Variants in CCDC158 observed in about 807,000 individuals in gnomAD.
The protein encoded by CCDC158 is coiled-coil domain containing 158, also known as coiled-coil domain-containing protein 158.
In CCDC158, 116 loss-of-function variants were observed where a neutral mutation model predicts 138.6. That is an observed-to-expected ratio of 0.84 (90% CI 0.72 to 0.98). The LOEUF is 0.98. Among genes scored for constraint, CCDC158 ranks in the 50% least tolerant of loss-of-function variants. The pLI, the probability that CCDC158 is intolerant of heterozygous loss-of-function variation, is 0.00. For synonymous variants in CCDC158, 436 were observed against 442.4 expected, an observed-to-expected ratio of 0.99 and a Z score of 0.18; for missense variants, 1,265 against 1,306.1, an observed-to-expected ratio of 0.97 and a Z score of 0.48.
intron 24 of CCDC158, among the ~76,000 whole-genome samples, chr4:76,319,720 A>C (rs988991322): frequency 3.3e-5 from 5 of 151,738 alleles, no homozygotes; most frequent in African/African-American, 1.2e-4. Context: ...ATGCAGAAAA[A>C]TCATTTGACA....
At chr4:76,365,879 A>C (rs868138048) in intron 12 of CCDC158, among the ~76,000 whole-genome samples, 1 of 152,232 alleles carries the variant, frequency 6.6e-6, no homozygotes, top group Non-Finnish European at 1.5e-5. Flanking sequence ...GTTCTCACTG[A>C]GAACCACTGC....
rs78797476 is a variant in CCDC158, at chr4:76,323,626, T to C, written c.3170-217A>G. On this transcript the variant is annotated intron_variant, in intron 23 of 24. Coordinates refer to ENST00000682701, the MANE Select transcript of CCDC158 (RefSeq NM_001394954.1). ...TCTAAATATTGCAATGCTAGCCTAT[T>C]TGATTGTGCTCAAACCAATCCGATG... is the stretch of plus-strand genomic sequence containing the variant. Among the ~76,000 whole-genome samples the C allele has an allele frequency of 4.7e-4, 71 of 152,318 alleles. No individual in the cohort carries two copies. In the East Asian group the frequency reaches 9.1e-3, roughly 19 times the overall value.
rs1424746982 is a variant in CCDC158, at chr4:76,367,247, T to C, written c.1830+47A>G. On this transcript the variant is annotated intron_variant, in intron 12 of 24. Coordinates refer to ENST00000682701, the MANE Select transcript of CCDC158 (RefSeq NM_001394954.1). ...ACTTTTCAGTACAGGTCATACCTGC[T>C]AATAAATGATATTTCAGAAGTTAAA... 5 of 1,572,504 alleles carry C rather than the reference T, an allele frequency of 3.2e-6. No homozygotes were observed. The East Asian group carries it at 9.0e-5, about 28-fold the overall frequency.
rs576130184 is a variant in CCDC158 at position 76,413,210 on chromosome 4, G to A, written c.-116-1078C>T. On this transcript the variant is annotated intron_variant, in intron 1 of 24. Coordinates refer to ENST00000682701, the MANE Select transcript of CCDC158 (RefSeq NM_001394954.1). ...TTTTTCCACATTTAAAAAAATGAAT[G>A]AGCCTGTAATCCCAGCACTTTGGGA... Among the ~76,000 whole-genome samples the A allele has an allele frequency of 7.2e-5, 11 of 151,912 alleles. No individual in the cohort carries two copies. The East Asian group carries it at 1.4e-3, about 19-fold the overall frequency.
rs142038200 is a variant in CCDC158 at position 76,362,228 on chromosome 4, C to T, written c.1918G>A (p.Ala640Thr). ...ACTGCACGGAGCCGCTCAGAGCCTG[C>T]ATTCACCAGCTTCACCTTTTCCAGC... ...LELEKVKLVN[A>T]GSERLRAVKD... The change falls in exon 13 of 25, where the codon GCA becomes ACA. Residue 640 changes from alanine (A) to threonine (T), a missense_variant. Transcript: ENST00000682701. 1.3e-4 allele frequency: 208 copies of T among 1,614,136 alleles called. 1 individual carries two copies. The African/African-American group carries it at 2.3e-3, about 18-fold the overall frequency.
At position 76,420,135 on chromosome 4, in the gene CCDC158, T is replaced by C. The variant is rs149278542; in HGVS notation, c.-117+830A>G. 1.8e-3 allele frequency among the ~76,000 whole-genome samples: 266 copies of C among 151,932 alleles called. 2 individuals carry two copies. Among genetic ancestry groups the C allele is most frequent in the African/African-American group, 6.1e-3 (253 of 41,404 alleles). ...AAAAGCAATGAGCGCAGTACAGAGA[T>C]AGGAGGACCACATCTCTCTCAGCAC... On this transcript the variant is annotated intron_variant, in intron 1 of 24. Coordinates refer to ENST00000682701, the MANE Select transcript of CCDC158 (RefSeq NM_001394954.1).
chr4:76,371,169 G>T (rs1002015326), intron 10 of CCDC158, among the ~76,000 whole-genome samples: 7 of 152,128 alleles, frequency 4.6e-5, no homozygotes, highest in Non-Finnish European at 8.8e-5. Context: ...GTATCTACTT[G>T]AAAGACTATG....
At chr4:76,385,027 A>G (rs1726656778) in intron 4 of CCDC158, among the ~76,000 whole-genome samples, 1 of 152,204 alleles carries the variant, frequency 6.6e-6, no homozygotes, top group Non-Finnish European at 1.5e-5. Context: ...CCCACTTAAA[A>G]TACCTGGCAG....
At chr4:76,346,668 T>C (rs1722577994) in intron 18 of CCDC158, among the ~76,000 whole-genome samples, 1 of 152,172 alleles carries the variant, frequency 6.6e-6, no homozygotes, top group Non-Finnish European at 1.5e-5. Flanking sequence ...AAAGATCATG[T>C]CACTGCACTC....
rs115406635 is a variant in CCDC158, at chr4:76,373,211, A to G, written c.1030-1675T>C. Among the ~76,000 whole-genome samples the G allele has an allele frequency of 4.7e-3, 709 of 152,326 alleles. 2 individuals are homozygous for G. The highest frequency in any genetic ancestry group is 7.5e-3 in the Non-Finnish European group (509 of 68,022). On this transcript the variant is annotated intron_variant, in intron 9 of 24. Transcript: ENST00000682701. Reference sequence around the variant, plus strand: ...GAGGCTAGGATCTCAGACTGTGGAGACTAAGGGTTTAGATTTTAGCTGAGC... The same window carrying G: ...GAGGCTAGGATCTCAGACTGTGGAGGCTAAGGGTTTAGATTTTAGCTGAGC...
rs1408395608 is a variant in CCDC158, at chr4:76,357,574, AT to A, written c.2021-49del. 6.1e-6 allele frequency: 7 copies of A among 1,147,382 alleles called. No homozygotes were observed. In the African/African-American group the frequency reaches 1.1e-4, roughly 18 times the overall value. 71.1% of individuals were successfully genotyped at this position (1,147,382 alleles called of 1,614,324 possible). A position where few individuals can be genotyped will look rare whatever the true frequency, so the allele number is the denominator to read the frequency against. On this transcript the variant is annotated intron_variant, in intron 13 of 24. Transcript: ENST00000682701. ...ATAGATGGTTACTTTTTTCTATCCCATTGTTAATTAAGTATATTTTATTTGT... is the reference window on the plus strand; with the variant it reads ...ATAGATGGTTACTTTTTTCTATCCCATGTTAATTAAGTATATTTTATTTGT...
chr4:76,334,037 G>A lies in CCDC158; in HGVS notation c.2795C>T (p.Thr932Ile). The A allele has an allele frequency of 6.2e-7, 1 of 1,613,012 alleles. No individual in the cohort carries two copies. Among genetic ancestry groups the A allele is most frequent in the South Asian group, 1.1e-5 (1 of 90,924 alleles). Residue 932 changes from threonine to isoleucine, a missense_variant, in exon 19 of 25, where the codon ACA becomes ATA. By Grantham distance (89) the Thr-to-Ile change is moderately conservative (BLOSUM62 -1). Transcript: ENST00000682701. ...SLSKTEEDGR[T>I]SLGALYVAVE... ...AGCCACATACAAGGCTCCCAGAGAT[G>A]TTCTTCCATCTTCCTCTGTCTTGCT...
chr4:76,413,005 T>G lies in CCDC158; in HGVS notation c.-116-873A>C, dbSNP rs566102045. Among the ~76,000 whole-genome samples the G allele has an allele frequency of 1.4e-4, 21 of 152,262 alleles. 1 individual carries two copies. Among genetic ancestry groups the G allele is most frequent in the Admixed American group, 5.9e-4 (9 of 15,298 alleles). ...AATATCTTCTGACCATTTTAACTGC[T>G]CTTCACTGTTTGGAAATGCTCTTGA... On this transcript the variant is annotated intron_variant, in intron 1 of 24. Coordinates refer to ENST00000682701, the MANE Select transcript of CCDC158 (RefSeq NM_001394954.1).
rs183305428 is a variant in CCDC158 at position 76,318,140 on chromosome 4, G to T, written c.3278-4894C>A. On this transcript the variant is annotated intron_variant, in intron 24 of 24. Transcript: ENST00000682701. Reference sequence around the variant, plus strand: ...CAAACTAAACCCAAACCCAGCAGAAGAAAAGAAATAACAAAGATCAGAACA... The same window carrying T: ...CAAACTAAACCCAAACCCAGCAGAATAAAAGAAATAACAAAGATCAGAACA... Among the ~76,000 whole-genome samples the T allele has an allele frequency of 6.7e-4, 102 of 151,862 alleles. 2 individuals carry two copies. The East Asian group carries it at 0.012, about 17-fold the overall frequency.
chr4:76,328,297 C>A (rs1397078526), intron 22 of CCDC158, among the ~76,000 whole-genome samples: 1 of 152,182 alleles, frequency 6.6e-6, no homozygotes, highest in Non-Finnish European at 1.5e-5. Context: ...CTCCAGGCAC[C>A]TGGGATATAT....
intron 4 of CCDC158, among the ~76,000 whole-genome samples, chr4:76,394,564 T>C (rs1365089510): frequency 6.6e-6 from 1 of 152,068 alleles, no homozygotes; most frequent in Admixed American, 6.6e-5. Context: ...TAGTATTTGA[T>C]AGCACAACAG....
intron 19 of CCDC158, among the ~76,000 whole-genome samples, chr4:76,333,434 C>T (rs1293779874): frequency 6.6e-6 from 1 of 152,070 alleles, no homozygotes; most frequent in African/African-American, 2.4e-5. Context: ...TAGGAGACTC[C>T]CATTGTTGTC....
intron 8 of CCDC158, among the ~76,000 whole-genome samples, chr4:76,380,417 G>C (rs1726123867): frequency 6.6e-6 from 1 of 152,172 alleles, no homozygotes; most frequent in Non-Finnish European, 1.5e-5. Context: ...AAAGAGACTG[G>C]TAGCATTTTG....
intron 15 of CCDC158, among the ~76,000 whole-genome samples, chr4:76,354,716 C>T (rs1301814681): frequency 6.6e-6 from 1 of 152,142 alleles, no homozygotes; most frequent in Non-Finnish European, 1.5e-5. Context: ...CTACCGGCGA[C>T]CTCAGTTTTA....
Sources: allele counts gnomAD v4.1 joint callset (sites outside exome capture counted in the v4.1 genomes callset), GRCh38; gene constraint gnomAD v4.1.1; transcripts MANE v1.5; gene names NCBI Gene and HGNC (gene_info 2026-07-23, HGNC 2026-07-21).